NR1I2: variants seen among roughly 807,000 people sequenced by gnomAD.
The protein encoded by NR1I2 is orphan nuclear receptor PAR1.
A neutral mutation model predicts 43.3 loss-of-function variants in NR1I2; 42 were observed. That is an observed-to-expected ratio of 0.97 (90% CI 0.76 to 1.26). The LOEUF (loss-of-function observed/expected upper bound fraction) is 1.26. Among genes scored for constraint, NR1I2 ranks in the 50% most tolerant of loss-of-function variants. The probability of loss-of-function intolerance (pLI) is 0.00; values close to 1 mark genes in which losing one functional copy is unlikely to be tolerated. For synonymous variants in NR1I2, 229 were observed against 215.0 expected, an observed-to-expected ratio of 1.06 and a Z score of -0.57; for missense variants, 559 against 566.7, an observed-to-expected ratio of 0.99 and a Z score of 0.14.
chr3:119,792,663 T>C, intron 1 of NR1I2: 1 of 542,026 alleles, frequency 1.8e-6, no homozygotes, highest in Middle Eastern at 4.8e-4. Context: ...AATTTCATGA[T>C]TGGCTTAAAG....
Position 119,810,097 on chromosome 3 carries a change from C to T in NR1I2, c.234C>T (p.Pro78=). Reference sequence around the variant, plus strand: ...AACGCAACGCCCGGCTGAGGTGCCCCTTCCGGAAGGGCGCCTGCGAGATCA... The same window carrying T: ...AACGCAACGCCCGGCTGAGGTGCCCTTTCCGGAAGGGCGCCTGCGAGATCA... The change falls in exon 3 of 9, where the codon CCC becomes CCT. Residue 78 remains proline, a synonymous_variant. Coordinates refer to ENST00000393716, the MANE Select transcript of NR1I2 (RefSeq NM_003889.4). 1 of 1,613,868 alleles carries T rather than the reference C, an allele frequency of 6.2e-7. No individual in the cohort carries two copies. Among genetic ancestry groups the T allele is most frequent in the Non-Finnish European group, 8.5e-7 (1 of 1,179,952 alleles).
At chr3:119,808,074 A>G (rs1264337335) in intron 2 of NR1I2, among the ~76,000 whole-genome samples, 1 of 152,222 alleles carries the variant, frequency 6.6e-6, no homozygotes, top group Non-Finnish European at 1.5e-5. Context: ...TGCATGAGTT[A>G]TAACAGGGGT....
At chr3:119,793,880 T>G (rs183053196) in intron 1 of NR1I2, among the ~76,000 whole-genome samples, 1 of 152,264 alleles carries the variant, frequency 6.6e-6, no homozygotes, top group Non-Finnish European at 1.5e-5. Flanking sequence ...GAAAGTGTTA[T>G]GACATTTTTC....
chr3:119,787,657 A>ATGTGTGTG (rs3030846), intron 1 of NR1I2, among the ~76,000 whole-genome samples: 11 of 128,444 alleles, frequency 8.6e-5, no homozygotes, highest in African/African-American at 3.3e-4. Flanking sequence ...TGCTATTAAT[A>ATGTGTGTG]TGTGTGTGTG....
At chr3:119,784,177 A>G (rs914536084) in intron 1 of NR1I2, among the ~76,000 whole-genome samples, 1 of 152,244 alleles carries the variant, frequency 6.6e-6, no homozygotes, top group Non-Finnish European at 1.5e-5. Flanking sequence ...TCCCACCAGC[A>G]GAGAAGGATA....
In NR1I2 at chr3:119,811,559, G is replaced by A. The variant is rs542581336; in HGVS notation, c.352G>A (p.Val118Met). The change falls in exon 4 of 9, where the codon GTG (valine) becomes ATG (methionine). Residue 118 changes from valine to methionine, a missense_variant. Val to Met is a conservative substitution (Grantham distance 21). This residue lies in a region of NR1I2 where 232 missense variants were observed against 236.6 expected (regional missense o/e 0.98). Transcript: ENST00000393716. ...TGCAGTGATCATGTCCGACGAGGCCGTGGAGGAGAGGCGGGCCTTGATCAA... is the reference window on the plus strand; with the variant it reads ...TGCAGTGATCATGTCCGACGAGGCCATGGAGGAGAGGCGGGCCTTGATCAA... The A allele has an allele frequency of 2.4e-5, 39 of 1,613,622 alleles. No individual in the cohort carries two copies. In the African/African-American group the frequency reaches 3.7e-4, roughly 15 times the overall value.
chr3:119,817,145 G>T lies in NR1I2; in HGVS notation c.1238G>T (p.Arg413Leu). Residue 413 changes from arginine to leucine, a missense_variant, in exon 9 of 9, where the codon CGC (arginine) becomes CTC (leucine). Around this residue, in one of 3 missense-constraint regions of NR1I2, gnomAD observed 323 missense variants for 312.2 expected, o/e 1.03. Coordinates refer to ENST00000393716, the MANE Select transcript of NR1I2 (RefSeq NM_003889.4). ...GCTCAGCACACCCAGCGGCTGCTGC[G>T]CATCCAGGACATACACCCCTTTGCT... 1 of 1,614,138 alleles carries T rather than the reference G, an allele frequency of 6.2e-7. No homozygotes were observed. Among genetic ancestry groups the T allele is most frequent in the Non-Finnish European group, 8.5e-7 (1 of 1,180,014 alleles).
intron 1 of NR1I2, chr3:119,792,369 G>T: frequency 7.2e-7 from 1 of 1,380,858 alleles, no homozygotes; most frequent in African/African-American, 1.4e-5. Flanking sequence ...AGAAGCAGTG[G>T]AAGCCAAACA....
chr3:119,811,398 A>G (rs753055793), intron 3 of NR1I2, 141 bp from the exon 4 acceptor site: 40 of 775,324 alleles, frequency 5.2e-5, no homozygotes, highest in South Asian at 1.7e-4. Flanking sequence ...GAGTCCAGAC[A>G]GGGGAGAATT....
At chr3:119,793,466 G>A (rs772578103) in intron 1 of NR1I2, among the ~76,000 whole-genome samples, 4 of 152,182 alleles carry the variant, frequency 2.6e-5, no homozygotes, top group Admixed American at 6.5e-5. Context: ...ATCAGTGGAG[G>A]CTGCCTTCTG....
chr3:119,809,828 G>A (rs2055212153), intron 2 of NR1I2, among the ~76,000 whole-genome samples: 1 of 152,142 alleles, frequency 6.6e-6, no homozygotes, highest in South Asian at 2.1e-4. Context: ...TTTCCTGCCG[G>A]AATGGCCAGA....
At position 119,807,311 on chromosome 3, in the gene NR1I2, G is replaced by C. The variant is rs2107968907; in HGVS notation, c.61G>C (p.Glu21Gln). The change falls in exon 2 of 9, where the codon GAG (glutamate) becomes CAG (glutamine). Residue 21 changes from glutamate (E) to glutamine (Q), a missense_variant. Coordinates refer to ENST00000393716, the MANE Select transcript of NR1I2 (RefSeq NM_003889.4). Reference sequence around the variant, plus strand: ...TGACTTTGTACACTGTGAGGACACAGAGTCTGTTCCTGGAAAGCCCAGTGT... The same window carrying C: ...TGACTTTGTACACTGTGAGGACACACAGTCTGTTCCTGGAAAGCCCAGTGT... The C allele has an allele frequency of 1.9e-6, 3 of 1,614,256 alleles. No homozygotes were observed. Among genetic ancestry groups the C allele is most frequent in the Non-Finnish European group, 2.5e-6 (3 of 1,180,042 alleles).
chr3:119,811,004 GAC>G (rs1392789330), intron 3 of NR1I2: 7 of 154,406 alleles, frequency 4.5e-5, no homozygotes, highest in African/African-American at 1.4e-4. Context: ...TGGAGACCCA[GAC>G]ACCTCTGAAG....
chr3:119,811,767 C>T (rs1236116760), intron 4 of NR1I2, 41 bp downstream of exon 4: 3 of 1,542,014 alleles, frequency 1.9e-6, no homozygotes, highest in Non-Finnish European at 2.7e-6. Context: ...TCACTGCCAT[C>T]TTCATTCTCA....
In NR1I2 at chr3:119,790,642, G is replaced by A. The variant is rs555691107; in HGVS notation, c.-23+8342G>A. Among the ~76,000 whole-genome samples, 4 of 152,204 alleles carry A rather than the reference G, an allele frequency of 2.6e-5. No homozygotes were observed. In the East Asian group the frequency reaches 7.7e-4, roughly 29 times the overall value. On this transcript the variant is annotated intron_variant, in intron 1 of 8. Transcript: ENST00000393716. The stretch of plus-strand genomic sequence containing the variant: ...TTCATTATGGTTTCCCTTTGCATTT[G>A]CCTTATGATTAACGATGTTGAGTAC...
chr3:119,782,748 G>A (rs1296417750), intron 1 of NR1I2: 2 of 1,611,804 alleles, frequency 1.2e-6, no homozygotes, highest in African/African-American at 2.7e-5. Context: ...CTGAGGCCAA[G>A]GACAGCAGCA....
Position 119,815,016 on chromosome 3 carries a change from G to A in NR1I2, c.832G>A (p.Gly278Arg), listed in dbSNP as rs976156170. The change falls in exon 6 of 9, where the codon GGG (glycine) becomes AGG (arginine). Residue 278 changes from glycine to arginine, a missense_variant. Around this residue, in one of 3 missense-constraint regions of NR1I2, gnomAD observed 323 missense variants for 312.2 expected, o/e 1.03. Transcript: ENST00000393716. ...CGAGGACCAGATCTCCCTGCTGAAG[G>A]GGGCCGCTTTCGAGCTGTGTCAACT... 2 of 1,614,084 alleles carry A rather than the reference G, an allele frequency of 1.2e-6. No individual in the cohort carries two copies. The highest frequency in any genetic ancestry group is 2.2e-5 in the East Asian group (1 of 44,884).
chr3:119,789,551 C>T lies in NR1I2; in HGVS notation c.-23+7251C>T, dbSNP rs2054889723. Reference sequence around the variant, plus strand: ...CCGCCCCCATGATTCAATTACCTTCCACCAGGTCCCTCCCACATATGTAGC... The same window carrying T: ...CCGCCCCCATGATTCAATTACCTTCTACCAGGTCCCTCCCACATATGTAGC... On this transcript the variant is annotated intron_variant, in intron 1 of 8. Transcript: ENST00000393716. 1.3e-5 allele frequency among the ~76,000 whole-genome samples: 2 copies of T among 152,234 alleles called. 1 individual carries two copies. The highest frequency in any genetic ancestry group is 1.3e-4 in the Admixed American group (2 of 15,286).
intron 1 of NR1I2, among the ~76,000 whole-genome samples, chr3:119,795,786 T>C (rs1019980960): frequency 6.6e-6 from 1 of 152,250 alleles, no homozygotes; most frequent in African/African-American, 2.4e-5. Flanking sequence ...ATCCCTTTTC[T>C]AGTATTTTGC....
Sources: allele counts gnomAD v4.1 joint callset (sites outside exome capture counted in the v4.1 genomes callset), GRCh38; gene constraint gnomAD v4.1.1; regional missense constraint gnomAD v4.1.1; transcripts MANE v1.5; gene names NCBI Gene and HGNC (gene_info 2026-07-23, HGNC 2026-07-21).